RABGAP1L: variants seen among roughly 807,000 people sequenced by gnomAD.
RABGAP1L encodes the protein RAB GTPase activating protein 1 like, also known as rab GTPase-activating protein 1-like.
In RABGAP1L, 63 loss-of-function variants were observed where a neutral mutation model predicts 137.7. The ratio of observed to expected loss-of-function variants is 0.46; its 90% CI spans 0.37 to 0.56. The LOEUF (loss-of-function observed/expected upper bound fraction) is 0.56, where lower values mean the gene tolerates loss of function less well. Among genes scored for constraint, RABGAP1L ranks in the 20% least tolerant of loss-of-function variants. The pLI is 0.00. For synonymous variants in RABGAP1L, 431 were observed against 433.7 expected (o/e 0.99, Z 0.08); for missense variants, 1,095 against 1,244.0 (o/e 0.88, Z 1.80).
intron 1 of RABGAP1L, among the ~76,000 whole-genome samples, chr1:174,198,135 T>C (rs1667835959): frequency 6.6e-6 from 1 of 152,216 alleles, no homozygotes; most frequent in African/African-American, 2.4e-5. Flanking sequence ...TAGTCTAATA[T>C]ATAGTGATTA....
At chr1:174,655,634 T>C (rs1478481717) in intron 14 of RABGAP1L, among the ~76,000 whole-genome samples, 1 of 152,218 alleles carries the variant, frequency 6.6e-6, no homozygotes, top group Admixed American at 6.5e-5. Flanking sequence ...GTATTTTGTG[T>C]AGAGATACTT....
intron 18 of RABGAP1L, among the ~76,000 whole-genome samples, chr1:174,783,644 C>G (rs1687201304): frequency 6.6e-6 from 1 of 151,258 alleles, no homozygotes; most frequent in Admixed American, 6.6e-5. Flanking sequence ...CTGCCATTCT[C>G]TGTTGATAAT....
At chr1:174,891,561 G>T (rs552818112) in intron 19 of RABGAP1L, among the ~76,000 whole-genome samples, 21 of 152,200 alleles carry the variant, frequency 1.4e-4, no homozygotes, top group Admixed American at 6.5e-4. Context: ...CGTGTGCAGT[G>T]GTGATCAGAT....
chr1:174,710,540 A>C (rs1346579443), intron 17 of RABGAP1L, among the ~76,000 whole-genome samples: 2 of 152,222 alleles, frequency 1.3e-5, no homozygotes, highest in African/African-American at 2.4e-5. Context: ...CTTAAAGAAA[A>C]TAATTTTCAA....
intron 19 of RABGAP1L, among the ~76,000 whole-genome samples, chr1:174,887,473 A>G (rs929863882): frequency 6.6e-6 from 1 of 152,144 alleles, no homozygotes; most frequent in African/African-American, 2.4e-5. Context: ...GGAAACTTTA[A>G]AGTGAATTGG....
chr1:174,303,919 C>T lies in RABGAP1L; in HGVS notation c.1324-1067C>T, dbSNP rs74128340. ...TTCCAATCTGTATACTTTTTCTTGCCGTAATGCACTGGACAGGGCTTCCAT... is the reference window on the plus strand; with the variant it reads ...TTCCAATCTGTATACTTTTTCTTGCTGTAATGCACTGGACAGGGCTTCCAT... On this transcript the variant is annotated intron_variant, in intron 10 of 25. Transcript: ENST00000681986. Among the ~76,000 whole-genome samples the T allele has an allele frequency of 7.8e-4, 118 of 152,116 alleles. 1 individual carries two copies. Among genetic ancestry groups the T allele is most frequent in the African/African-American group, 2.8e-3 (116 of 41,510 alleles).
chr1:174,942,215 C>G (rs774904179), intron 19 of RABGAP1L, among the ~76,000 whole-genome samples: 3 of 152,168 alleles, frequency 2.0e-5, no homozygotes, highest in Non-Finnish European at 4.4e-5. Flanking sequence ...GTAGTGCTGT[C>G]TATGTTGTCT....
At chr1:174,377,284 C>A (rs962908032) in intron 12 of RABGAP1L, among the ~76,000 whole-genome samples, 6 of 152,134 alleles carry the variant, frequency 3.9e-5, no homozygotes, top group African/African-American at 1.4e-4. Flanking sequence ...CATTCCCAAA[C>A]TAATCTTAAA....
intron 13 of RABGAP1L, among the ~76,000 whole-genome samples, chr1:174,487,912 C>T (rs1217679853): frequency 2.0e-5 from 3 of 152,124 alleles, no homozygotes; most frequent in African/African-American, 2.4e-5. Context: ...AGTGAAAACT[C>T]TACATGTTAA....
Position 174,176,739 on chromosome 1 carries a change from A to AT in RABGAP1L, c.-34+17082_-34+17083insT, listed in dbSNP as rs1422009336. Among the ~76,000 whole-genome samples the AT allele has an allele frequency of 2.3e-4, 34 of 146,136 alleles. 1 individual carries two copies. Among genetic ancestry groups the AT allele is most frequent in the African/African-American group, 6.7e-4 (26 of 38,798 alleles). ...AAAAAAAAAAAAAAAAAAAAAAAAA[A>AT]AAAAAAAGGTCAACATTTGTTAATA... On this transcript the variant is annotated intron_variant, in intron 1 of 25. Transcript: ENST00000681986.
chr1:174,314,220 T>C (rs1679148034), intron 11 of RABGAP1L, among the ~76,000 whole-genome samples: 1 of 152,220 alleles, frequency 6.6e-6, no homozygotes, highest in African/African-American at 2.4e-5. Flanking sequence ...CTTGGATTTC[T>C]TCATGGTTCA....
At chr1:174,725,712 A>G (rs1349153203) in intron 17 of RABGAP1L, among the ~76,000 whole-genome samples, 3 of 152,154 alleles carry the variant, frequency 2.0e-5, no homozygotes, top group African/African-American at 7.2e-5. Flanking sequence ...TGGGTCAAAG[A>G]AAAGGAAGGG....
At chr1:174,437,346 A>G (rs955591628) in intron 13 of RABGAP1L, among the ~76,000 whole-genome samples, 1 of 152,180 alleles carries the variant, frequency 6.6e-6, no homozygotes, top group Non-Finnish European at 1.5e-5. Context: ...ATGGATAACT[A>G]GAATAACCAA....
At chr1:174,186,974 T>C (rs1191877834) in intron 1 of RABGAP1L, among the ~76,000 whole-genome samples, 1 of 152,198 alleles carries the variant, frequency 6.6e-6, no homozygotes, top group East Asian at 1.9e-4. Context: ...ATTATGTGGC[T>C]CTTTGCCAGT....
rs529212536 is a variant in RABGAP1L at position 174,538,412 on chromosome 1, T to G, written c.1711-98963T>G. Among the ~76,000 whole-genome samples the G allele has an allele frequency of 4.6e-5, 7 of 152,332 alleles. No individual in the cohort carries two copies. The East Asian group carries it at 1.3e-3, about 29-fold the overall frequency. On this transcript the variant is annotated intron_variant, in intron 13 of 25. Transcript: ENST00000681986. ...CTACGTAAGAATAATCTTTTACATGTTTCCAAACCCAACATTGTCTACTCT... is the reference window on the plus strand; with the variant it reads ...CTACGTAAGAATAATCTTTTACATGGTTCCAAACCCAACATTGTCTACTCT...
intron 17 of RABGAP1L, among the ~76,000 whole-genome samples, chr1:174,724,033 C>T (rs1233963075): frequency 1.3e-5 from 2 of 152,136 alleles, no homozygotes; most frequent in African/African-American, 2.4e-5. Context: ...TTATTTGTTG[C>T]TTTCATAAGT....
rs182964570 is a variant in RABGAP1L, at chr1:174,421,832, G to T, written c.1710+27687G>T. 2.9e-3 allele frequency among the ~76,000 whole-genome samples: 436 copies of T among 152,268 alleles called. 1 individual carries two copies. Among genetic ancestry groups the T allele is most frequent in the African/African-American group, 9.7e-3 (402 of 41,564 alleles). ...TGCCCAGGCTGGAGTACAGTGGCACGATCTCGGCTCACTGCAAACTCTGCA... is the reference window on the plus strand; with the variant it reads ...TGCCCAGGCTGGAGTACAGTGGCACTATCTCGGCTCACTGCAAACTCTGCA... On this transcript the variant is annotated intron_variant, in intron 13 of 25. Coordinates refer to ENST00000681986, the MANE Select transcript of RABGAP1L (RefSeq NM_001366446.1).
At chr1:174,383,715 G>A (rs1686447005) in intron 12 of RABGAP1L, among the ~76,000 whole-genome samples, 1 of 152,092 alleles carries the variant, frequency 6.6e-6, no homozygotes, top group African/African-American at 2.4e-5. Context: ...GATGAACCCG[G>A]TACCTCAGAT....
intron 18 of RABGAP1L, among the ~76,000 whole-genome samples, chr1:174,796,492 A>T (rs190789541): frequency 1.3e-5 from 2 of 152,300 alleles, no homozygotes; most frequent in South Asian, 2.1e-4. Flanking sequence ...ATTTTACCTG[A>T]TATTGATGAA....
Sources: allele counts gnomAD v4.1 joint callset (sites outside exome capture counted in the v4.1 genomes callset), GRCh38; gene constraint gnomAD v4.1.1; transcripts MANE v1.5; gene names NCBI Gene and HGNC (gene_info 2026-07-23, HGNC 2026-07-21).